Variants in BTBD2 observed in about 807,000 individuals in gnomAD.
BTBD2 encodes the protein BTB/POZ domain-containing protein 2.
BTBD2 carries 15 observed loss-of-function variants against 44.0 expected under a neutral mutation model. That is an observed-to-expected ratio of 0.34 (90% confidence interval 0.23 to 0.53). The LOEUF is 0.53. BTBD2 is among the 20% of genes least tolerant of loss of function. BTBD2 has a pLI of 0.95. For missense variants in BTBD2, 657 were observed against 746.4 expected (o/e 0.88, Z 1.39); for synonymous variants, 443 against 335.9 (o/e 1.32, Z -3.49).
intron 2 of BTBD2, 50 bp downstream of exon 2, chr19:1,997,294 T>C (rs1197263708): frequency 1.9e-6 from 3 of 1,610,592 alleles, no homozygotes; most frequent in Middle Eastern, 1.7e-4. Context: ...TTCTCTGAGG[T>C]CCCCCTCCCC....
At chr19:2,000,403 G>A (rs1326083604) in intron 1 of BTBD2, among the ~76,000 whole-genome samples, 2 of 152,222 alleles carry the variant, frequency 1.3e-5, no homozygotes, top group Non-Finnish European at 2.9e-5. Flanking sequence ...TCTCCTGTGG[G>A]GAAAACCTTT....
intron 1 of BTBD2, among the ~76,000 whole-genome samples, chr19:2,012,399 C>G (rs575792752): frequency 5.3e-5 from 8 of 152,252 alleles, no homozygotes; most frequent in Non-Finnish European, 1.0e-4. Flanking sequence ...ATCTGCCCGC[C>G]TCGGCCTCCC....
At position 1,987,335 on chromosome 19, in the gene BTBD2, G is replaced by A. The variant is rs562152568; in HGVS notation, c.1182-82C>T. The A allele has an allele frequency of 1.2e-4, 173 of 1,491,552 alleles. 2 individuals are homozygous for A. Among genetic ancestry groups the A allele is most frequent in the South Asian group, 8.9e-4 (76 of 85,358 alleles). 92.4% of individuals were successfully genotyped at this position (1,491,552 alleles called of 1,614,324 possible). On this transcript the variant is annotated intron_variant, in intron 6 of 8. Transcript: ENST00000255608. ...CTGGGGCGAGCCCACCCCCATGCCC[G>A]GTCCCCTCCATCGTCCCTGAGTCCT...
chr19:2,008,089 C>T (rs561956928), intron 1 of BTBD2, among the ~76,000 whole-genome samples: 27 of 151,954 alleles, frequency 1.8e-4, no homozygotes, highest in Non-Finnish European at 3.4e-4. Flanking sequence ...ACTGCAACCT[C>T]CACCTCCCAG....
intron 5 of BTBD2, chr19:1,988,711 C>T (rs1179538775): frequency 6.6e-6 from 1 of 150,416 alleles, no homozygotes; most frequent in Non-Finnish European, 1.5e-5. Context: ...TCAAGCAATT[C>T]TCCTGCCTCA....
rs1006979693 is a variant in BTBD2, at chr19:1,987,506, C to T, written c.1175G>A (p.Arg392His). The T allele has an allele frequency of 1.9e-6, 3 of 1,575,070 alleles. No individual in the cohort carries two copies. The highest frequency in any genetic ancestry group is 2.6e-6 in the Non-Finnish European group (3 of 1,162,690). Reference sequence around the variant, plus strand: ...CCTGCACCCCAAGCCCCACCTGATGCGGTCACTGGTCCCGCTGTAGCCCCA... The same window carrying T: ...CCTGCACCCCAAGCCCCACCTGATGTGGTCACTGGTCCCGCTGTAGCCCCA... ...SRWGYSGTSD[R>H]IRFSVNKRIF... The change falls in exon 6 of 9, where the codon CGC becomes CAC. Residue 392 changes from arginine (R) to histidine (H), a missense_variant. By Grantham distance (29) the Arg-to-His change is conservative (BLOSUM62 0). This residue lies in a region of BTBD2 where 449 missense variants were observed against 510.9 expected (regional missense o/e 0.88). Transcript: ENST00000255608.
intron 4 of BTBD2, 58 bp downstream of exon 4, chr19:1,990,659 C>G: frequency 1.4e-6 from 2 of 1,470,832 alleles, no homozygotes; most frequent in Non-Finnish European, 1.9e-6. Flanking sequence ...TGTCAATCCC[C>G]GGACCCTCCC....
chr19:2,011,030 T>A (rs993923583), intron 1 of BTBD2, among the ~76,000 whole-genome samples: 7 of 151,964 alleles, frequency 4.6e-5, no homozygotes, highest in African/African-American at 1.5e-4. Flanking sequence ...GACAGATGTG[T>A]CTGAGTGACC....
At chr19:1,994,577 G>A (rs995121229) in intron 2 of BTBD2, among the ~76,000 whole-genome samples, 1 of 151,806 alleles carries the variant, frequency 6.6e-6, no homozygotes, top group African/African-American at 2.4e-5. Context: ...TGGCCAACAT[G>A]ATGAAACCGG....
At chr19:2,012,771 C>G (rs1269940114) in intron 1 of BTBD2, among the ~76,000 whole-genome samples, 1 of 152,210 alleles carries the variant, frequency 6.6e-6, no homozygotes, top group Admixed American at 6.5e-5. Context: ...CTTGTCCTGC[C>G]TCCATCTTCC....
At position 1,990,709 on chromosome 19, in the gene BTBD2, GC is replaced by G; in HGVS notation, c.790+7del. 6.3e-7 allele frequency: 1 copy of G among 1,590,312 alleles called. No homozygotes were observed. Among genetic ancestry groups the G allele is most frequent in the Non-Finnish European group, 8.6e-7 (1 of 1,168,840 alleles). On this transcript the variant is annotated splice_region_variant and intron_variant, in intron 4 of 8. Transcript: ENST00000255608. ...GGGATTCCCACACCTGGGCTCCTGG[GC>G]CCTTACCCAGGTCAATGTCGGTGAA...
chr19:1,987,813 G>A, intron 5 of BTBD2, 121 bp from the exon 6 acceptor site: 1 of 1,042,872 alleles, frequency 9.6e-7, no homozygotes, highest in South Asian at 1.7e-5. Flanking sequence ...CAGGGACCTG[G>A]GCAGCCCCTC....
In BTBD2 at chr19:1,990,121, C is replaced by T. The variant is rs769408401; in HGVS notation, c.871G>A (p.Glu291Lys). ...AGCTGCTGCCGCTGACACTCGGCCTCGGACCAGCGGACAACGGCATTGAAC... is the reference window on the plus strand; with the variant it reads ...AGCTGCTGCCGCTGACACTCGGCCTTGGACCAGCGGACAACGGCATTGAAC... ...RLFNAVVRWS[E>K]AECQRQQLQV... The change falls in exon 5 of 9, where the codon GAG (glutamate) becomes AAG (lysine). Residue 291 changes from glutamate (E) to lysine (K), a missense_variant. By Grantham distance (56) the Glu-to-Lys change is moderately conservative. Transcript: ENST00000255608. The T allele has an allele frequency of 1.6e-5, 26 of 1,612,562 alleles. No individual in the cohort carries two copies. Among genetic ancestry groups the T allele is most frequent in the South Asian group, 2.2e-5 (2 of 91,026 alleles).
chr19:2,007,019 G>A (rs141144563), intron 1 of BTBD2, among the ~76,000 whole-genome samples: 1,969 of 152,026 alleles, frequency 0.013, 33 homozygotes, highest in African/African-American at 0.044. Context: ...CACCACGCCC[G>A]GCTAATTTTT....
Position 1,986,368 on chromosome 19 carries a change from G to A in BTBD2, c.*120C>T, listed in dbSNP as rs1157872646. 6 of 1,264,502 alleles carry A rather than the reference G, an allele frequency of 4.7e-6. No individual in the cohort carries two copies. The highest frequency in any genetic ancestry group is 2.9e-5 in the African/African-American group (2 of 68,098). 78.3% of individuals were successfully genotyped at this position (1,264,502 alleles called of 1,614,324 possible). A position where few individuals can be genotyped will look rare whatever the true frequency, so the allele number is the denominator to read the frequency against. The stretch of plus-strand genomic sequence containing the variant: ...ATGCTGAGAAAGGTGGCATGGAGTG[G>A]ACAGACGGCCTGGGGGACACTGGGC... On this transcript the variant is annotated 3_prime_UTR_variant, in exon 9 of 9. Transcript: ENST00000255608.
chr19:1,992,773 T>C (rs1345936762), intron 3 of BTBD2, among the ~76,000 whole-genome samples: 1 of 152,110 alleles, frequency 6.6e-6, no homozygotes, highest in African/African-American at 2.4e-5. Context: ...GATTTCGCCA[T>C]GTTGGCCAGG....
chr19:2,002,150 T>C (rs1446822726), intron 1 of BTBD2, among the ~76,000 whole-genome samples: 1 of 152,144 alleles, frequency 6.6e-6, no homozygotes, highest in Non-Finnish European at 1.5e-5. Context: ...GGCACGATCA[T>C]AGCTCACTGC....
chr19:1,990,604 G>A (rs2016161777), intron 4 of BTBD2, 113 bp downstream of exon 4: 1 of 992,794 alleles, frequency 1.0e-6, no homozygotes, highest in South Asian at 1.6e-5. Context: ...CAAGTGGTGA[G>A]GCCCCAGCTC....
In BTBD2 at chr19:1,997,459, C is replaced by A. The variant is rs141098024; in HGVS notation, c.412G>T (p.Val138Leu). The A allele has an allele frequency of 1.9e-6, 3 of 1,614,048 alleles. No individual in the cohort carries two copies. Among genetic ancestry groups the A allele is most frequent in the Non-Finnish European group, 1.7e-6 (2 of 1,179,996 alleles). The change falls in exon 2 of 9, where the codon GTG (valine) becomes TTG (leucine). Residue 138 changes from valine (V) to leucine (L), a missense_variant. Physicochemically the swap from Val to Leu is conservative, Grantham distance 32 (BLOSUM62 1). Coordinates refer to ENST00000255608, the MANE Select transcript of BTBD2 (RefSeq NM_017797.4). ...SSQRIPAHRF[V>L]LAVGSAVFDA... is the part of the protein sequence containing the mutation. The stretch of plus-strand genomic sequence containing the variant: ...AAGACGGCGCTGCCCACGGCCAGCA[C>A]GAACCTGGTACGGGAGAGAGAAGGC...
Sources: allele counts gnomAD v4.1 joint callset (sites outside exome capture counted in the v4.1 genomes callset), GRCh38; gene constraint gnomAD v4.1.1; regional missense constraint gnomAD v4.1.1; transcripts MANE v1.5; gene names NCBI Gene and HGNC (gene_info 2026-07-23, HGNC 2026-07-21).